Variants in RNF24 observed in about 807,000 individuals in gnomAD.
The protein encoded by RNF24 is ring finger protein 24.
Under a neutral mutation model 20.0 loss-of-function variants are expected in RNF24, and 14 were observed. The observed-to-expected ratio is 0.70, with a 90% confidence interval of 0.46 to 1.10. The LOEUF (loss-of-function observed/expected upper bound fraction) is 1.10. Ranked by LOEUF, RNF24 falls within the 50% of genes least tolerant of loss-of-function variation. The pLI is 0.00. For synonymous variants in RNF24, 45 were observed against 61.1 expected, an observed-to-expected ratio of 0.74 and a Z score of 1.23; for missense variants, 124 against 177.6, an observed-to-expected ratio of 0.70 and a Z score of 1.71.
chr20:3,935,202 GAAAT>G, intron 4 of RNF24, 129 bp from the exon 5 acceptor site: 2 of 609,642 alleles, frequency 3.3e-6, no homozygotes, highest in Admixed American at 2.9e-5. Flanking sequence ...AAAAAAAAAA[GAAAT>G]GAATGAATAA....
intron 1 of RNF24, among the ~76,000 whole-genome samples, chr20:4,003,004 C>A (rs1185241787): frequency 1.3e-5 from 2 of 152,200 alleles, no homozygotes; most frequent in African/African-American, 2.4e-5. Flanking sequence ...CAGTCTCACT[C>A]TGTCACCCAA....
Position 3,934,859 on chromosome 20 carries a change from G to A in RNF24, c.308+135C>T, listed in dbSNP as rs2090871017. 2 of 667,564 alleles carry A rather than the reference G, an allele frequency of 3.0e-6. No homozygotes were observed. Among genetic ancestry groups the A allele is most frequent in the African/African-American group, 1.8e-5 (1 of 56,494 alleles). The allele number at this position is 667,564 out of a possible 1,614,324, so 41.4% of individuals were successfully genotyped here. A position where few individuals can be genotyped will look rare whatever the true frequency, so the allele number is the denominator to read the frequency against. ...CACACACACACATCCCACCTGTAGG[G>A]TGCTGTCAGCTTTCTGCATTACAGA... On this transcript the variant is annotated intron_variant, in intron 5 of 5. Transcript: ENST00000358395. This position sits in a 1 kb window ranked among gnomAD's most constrained non-coding sequence, Gnocchi z 4.0.
chr20:3,989,616 C>A (rs1212518853), intron 1 of RNF24, among the ~76,000 whole-genome samples: 2 of 152,194 alleles, frequency 1.3e-5, no homozygotes, highest in Non-Finnish European at 2.9e-5. Context: ...CTTCCTTCTG[C>A]ACACATGTAT....
At chr20:3,940,158 A>G (rs1454479023) in intron 4 of RNF24, among the ~76,000 whole-genome samples, 3 of 152,056 alleles carry the variant, frequency 2.0e-5, no homozygotes, top group Non-Finnish European at 4.4e-5. Flanking sequence ...GGGTTTCTCT[A>G]TGTTGCCCAG....
chr20:3,960,214 TTA>T (rs1179476273), intron 2 of RNF24, among the ~76,000 whole-genome samples: 5 of 152,132 alleles, frequency 3.3e-5, no homozygotes, highest in African/African-American at 1.2e-4. Flanking sequence ...GCTGGAGAGC[TTA>T]GGTTATCATA....
intron 1 of RNF24, among the ~76,000 whole-genome samples, chr20:3,978,695 A>C (rs1322275293): frequency 6.6e-6 from 1 of 152,208 alleles, no homozygotes; most frequent in Non-Finnish European, 1.5e-5. Context: ...ATTTTTAAAA[A>C]AAGTAGAAAT....
chr20:3,983,215 C>T (rs1979577741), intron 1 of RNF24, among the ~76,000 whole-genome samples: 1 of 152,136 alleles, frequency 6.6e-6, no homozygotes, highest in Non-Finnish European at 1.5e-5. Context: ...TAAGGGAGGT[C>T]TTTACATCCA....
In RNF24 at chr20:3,945,220, T is replaced by C; in HGVS notation, c.187-2A>G. 6.3e-7 allele frequency: 1 copy of C among 1,588,676 alleles called. No homozygotes were observed. The highest frequency in any genetic ancestry group is 8.6e-7 in the Non-Finnish European group (1 of 1,166,196). The stretch of plus-strand genomic sequence containing the variant: ...TTTTACTTTCTCTTTTAATATAACC[T>C]GTAAGACAAAAAAGTATGTTCTTAT... On this transcript the variant is annotated splice_acceptor_variant, in intron 3 of 5. Coordinates refer to ENST00000358395, the MANE Select transcript of RNF24 (RefSeq NM_001134337.3). LOFTEE classifies it high-confidence loss of function.
In RNF24 at chr20:3,929,744, C is replaced by CAGAT. The variant is rs780117805; in HGVS notation, c.*4315_*4318dup. The CAGAT allele has an allele frequency of 1.3e-5, 2 of 152,208 alleles. No homozygotes were observed. The highest frequency in any genetic ancestry group is 2.9e-5 in the Non-Finnish European group (2 of 68,034). 9.4% of individuals were successfully genotyped at this position (152,208 alleles called of 1,614,324 possible). A position where few individuals can be genotyped will look rare whatever the true frequency, so the allele number is the denominator to read the frequency against. On this transcript the variant is annotated 3_prime_UTR_variant, in exon 6 of 6. Transcript: ENST00000358395. ...GAGCCTGATCTTGAGCATCCTGTCG[C>CAGAT]AGATAGAAAGTCAATCAGAAAAATC...
intron 1 of RNF24, among the ~76,000 whole-genome samples, chr20:3,988,147 A>G (rs1211756038): frequency 1.3e-5 from 2 of 151,940 alleles, no homozygotes; most frequent in Non-Finnish European, 2.9e-5. Context: ...ACATGGCAAG[A>G]CTCCGTCTCT....
At chr20:4,004,798 G>A (rs1001654366) in intron 1 of RNF24, among the ~76,000 whole-genome samples, 3 of 152,158 alleles carry the variant, frequency 2.0e-5, no homozygotes, top group Non-Finnish European at 4.4e-5. Context: ...TTAAAGCCAC[G>A]AAGTTTATAG....
chr20:3,955,140 TG>T (rs2091128396), intron 2 of RNF24, among the ~76,000 whole-genome samples: 1 of 152,252 alleles, frequency 6.6e-6, no homozygotes, highest in South Asian at 2.1e-4. Flanking sequence ...ATGTGCTTGT[TG>T]GCCATTTGTG....
intron 1 of RNF24, among the ~76,000 whole-genome samples, chr20:3,998,184 T>C (rs918827725): frequency 2.0e-5 from 3 of 152,204 alleles, no homozygotes; most frequent in Non-Finnish European, 4.4e-5. Flanking sequence ...CTCAGGCTTG[T>C]AATCCCAGCA....
Position 3,935,084 on chromosome 20 carries a change from A to G in RNF24, c.229-11T>C, listed in dbSNP as rs758518666. 7.4e-6 allele frequency: 12 copies of G among 1,612,998 alleles called. No homozygotes were observed. The South Asian group carries it at 1.2e-4, about 16-fold the overall frequency. On this transcript the variant is annotated splice_polypyrimidine_tract_variant and intron_variant, in intron 4 of 5. Coordinates refer to ENST00000358395, the MANE Select transcript of RNF24 (RefSeq NM_001134337.3). The stretch of plus-strand genomic sequence containing the variant: ...GCACACTGCACAGAGCTGAAAGACA[A>G]ATGCACAAATGAAGCCAAGTGTCTG...
intron 1 of RNF24, among the ~76,000 whole-genome samples, chr20:3,995,074 C>T (rs1244795556): frequency 6.6e-6 from 1 of 152,172 alleles, no homozygotes; most frequent in East Asian, 1.9e-4. Context: ...AAGTGGGTTC[C>T]ATGAAAGATG....
intron 1 of RNF24, among the ~76,000 whole-genome samples, chr20:3,981,529 CAG>C (rs1448235701): frequency 1.4e-5 from 2 of 147,142 alleles, no homozygotes; most frequent in African/African-American, 5.0e-5. Flanking sequence ...TTTTTTGAGA[CAG>C]AGTCTCGCTC....
chr20:3,963,234 CTAG>C (rs2091222075), intron 2 of RNF24, among the ~76,000 whole-genome samples: 1 of 152,180 alleles, frequency 6.6e-6, no homozygotes, highest in African/African-American at 2.4e-5. Context: ...GCTCTGTTGC[CTAG>C]GCTGGAGTGC....
intron 4 of RNF24, among the ~76,000 whole-genome samples, chr20:3,938,109 C>T (rs1292243849): frequency 6.6e-6 from 1 of 152,204 alleles, no homozygotes; most frequent in East Asian, 1.9e-4. Context: ...TCCATATCAT[C>T]ACCAATACTT....
chr20:3,980,126 T>C (rs1979257069), intron 1 of RNF24, among the ~76,000 whole-genome samples: 1 of 152,202 alleles, frequency 6.6e-6, no homozygotes, highest in Non-Finnish European at 1.5e-5. Context: ...TTTTAAATTC[T>C]AGAATAGATT....
Sources: allele counts gnomAD v4.1 joint callset (sites outside exome capture counted in the v4.1 genomes callset), GRCh38; gene constraint gnomAD v4.1.1; non-coding constraint Gnocchi (gnomAD v3.1); transcripts MANE v1.5; gene names NCBI Gene and HGNC (gene_info 2026-07-23, HGNC 2026-07-21).